S100A13: variants seen among roughly 807,000 people sequenced by gnomAD.
S100A13 encodes the protein S100 calcium binding protein A13.
In S100A13, 6 loss-of-function variants were observed where a neutral mutation model predicts 8.2. The observed-to-expected ratio is 0.73, with a 90% CI of 0.40 to 1.44. S100A13 has a LOEUF of 1.44. Among genes scored for constraint, S100A13 ranks in the 40% most tolerant of loss-of-function variants. The pLI is 0.02. For synonymous variants in S100A13, 39 were observed against 45.9 expected, an observed-to-expected ratio of 0.85 and a Z score of 0.61; for missense variants, 114 against 113.6, an observed-to-expected ratio of 1.00 and a Z score of -0.02.
intron 2 of S100A13, among the ~76,000 whole-genome samples, chr1:153,625,314 G>A (rs1667543302): frequency 6.6e-6 from 1 of 152,208 alleles, no homozygotes; most frequent in Non-Finnish European, 1.5e-5. Context: ...TGTGTTCAAG[G>A]AGTCCATATT....
intron 2 of S100A13, among the ~76,000 whole-genome samples, chr1:153,620,679 A>G (rs1287756473): frequency 6.6e-6 from 1 of 152,212 alleles, no homozygotes; most frequent in Non-Finnish European, 1.5e-5. Flanking sequence ...TAGGCACTGC[A>G]TTATGTATTA....
At chr1:153,622,808 CAG>C (rs1667355405) in intron 2 of S100A13, among the ~76,000 whole-genome samples, 1 of 152,202 alleles carries the variant, frequency 6.6e-6, no homozygotes, top group South Asian at 2.1e-4. Context: ...CAGAAAAGCA[CAG>C]AACATACACA....
At chr1:153,624,318 G>A (rs902176019) in intron 2 of S100A13, among the ~76,000 whole-genome samples, 4 of 152,198 alleles carry the variant, frequency 2.6e-5, no homozygotes, top group Admixed American at 6.5e-5. Flanking sequence ...TGAATTGTCT[G>A]TGCGGATGCT....
chr1:153,624,813 G>A (rs111877598), intron 2 of S100A13, among the ~76,000 whole-genome samples: 1 of 152,222 alleles, frequency 6.6e-6, no homozygotes, highest in East Asian at 1.9e-4. Context: ...GGTGGCTCAC[G>A]CCTGTAATTC....
chr1:153,624,235 G>A (rs773243925), intron 2 of S100A13, among the ~76,000 whole-genome samples: 1 of 152,194 alleles, frequency 6.6e-6, no homozygotes, highest in Non-Finnish European at 1.5e-5. Context: ...AGAGGAGTGG[G>A]ATGCTGAGAT....
At chr1:153,619,664 G>C (rs1432482069) in intron 2 of S100A13, among the ~76,000 whole-genome samples, 1 of 152,172 alleles carries the variant, frequency 6.6e-6, no homozygotes, top group African/African-American at 2.4e-5. Flanking sequence ...TGGATGTCCT[G>C]ATCGAAGGAC....
chr1:153,631,252 A>C, upstream of S100A13: 3 of 563,150 alleles, frequency 5.3e-6, no homozygotes, highest in Non-Finnish European at 6.3e-6. Flanking sequence ...TACGGTAGAA[A>C]GTGCACCGGT....
upstream of S100A13, among the ~76,000 whole-genome samples, chr1:153,632,805 G>A (rs1474387017): frequency 2.0e-5 from 3 of 152,128 alleles, no homozygotes; most frequent in African/African-American, 7.2e-5. Context: ...GCAGAGGAAG[G>A]GTTGCAGATG....
chr1:153,628,358 T>C, upstream of S100A13: 2 of 1,540,590 alleles, frequency 1.3e-6, no homozygotes, highest in East Asian at 2.4e-5. Flanking sequence ...GGTGTTCGTC[T>C]GTGAAGGGGT....
chr1:153,626,632 AGCCTGGAGGGG>A, intron 1 of S100A13, 99 bp from the exon 2 acceptor site: 2 of 644,070 alleles, frequency 3.1e-6, no homozygotes, highest in Non-Finnish European at 5.3e-6. Flanking sequence ...CATCAGTCTC[AGCCTGGAGGGG>A]GCATATGGGG....
At position 153,626,386 on chromosome 1, in the gene S100A13, C is replaced by T. The variant is rs11388; in HGVS notation, c.87G>A (p.Arg29=). The change falls in exon 2 of 3, where the codon CGG becomes CGA. Residue 29 remains arginine (R), a synonymous_variant. Coordinates refer to ENST00000476133, the MANE Select transcript of S100A13 (RefSeq NM_001024211.2). ...ACTCGTTGACGCTGAGGCTATCCTT[C>T]CGGCCCTCCTGCCTTGCAAAGGTGA... ...TFFTFARQEG[R]KDSLSVNEFK... 6 of 1,614,210 alleles carry T rather than the reference C, an allele frequency of 3.7e-6. No individual in the cohort carries two copies. In the East Asian group the frequency reaches 1.3e-4, roughly 36 times the overall value.
At chr1:153,630,338 T>C (rs1027809273), upstream of S100A13, 13 of 804,526 alleles carry the variant, frequency 1.6e-5, no homozygotes, top group African/African-American at 5.2e-5. Flanking sequence ...CTTAGGTCTC[T>C]TGGGGTTTCC....
chr1:153,634,343 G>A (rs1668223660), upstream of S100A13: 1 of 153,024 alleles, frequency 6.5e-6, no homozygotes, highest in South Asian at 2.1e-4. Flanking sequence ...TGTTTCCTTC[G>A]GTGAGTTTCG....
upstream of S100A13, chr1:153,630,520 C>CAA (rs1475312401): frequency 6.2e-7 from 1 of 1,613,950 alleles, no homozygotes; most frequent in Non-Finnish European, 8.5e-7. Context: ...TGCACTGCTG[C>CAA]AATGGGCTCT....
chr1:153,628,499 G>A, upstream of S100A13: 1 of 1,550,718 alleles, frequency 6.4e-7, no homozygotes, highest in Non-Finnish European at 8.7e-7. Context: ...GGCCAACCGT[G>A]AGTACCCTGC....
At chr1:153,626,066 G>T (rs1425702375) in intron 2 of S100A13, among the ~76,000 whole-genome samples, 1 of 152,196 alleles carries the variant, frequency 6.6e-6, no homozygotes, top group Non-Finnish European at 1.5e-5. Flanking sequence ...TACTCAGGAG[G>T]CTGAGGCAGG....
At chr1:153,626,168 G>C in intron 2 of S100A13, 152 bp downstream of exon 2, 1 of 746,218 alleles carries the variant, frequency 1.3e-6, no homozygotes, top group Non-Finnish European at 2.2e-6. Context: ...ACTTTGTCTC[G>C]AAAAAACAAA....
chr1:153,633,571 T>C (rs375672808), upstream of S100A13, among the ~76,000 whole-genome samples: 16 of 151,960 alleles, frequency 1.1e-4, no homozygotes, highest in Admixed American at 1.0e-3. Context: ...CGGTGCAGGA[T>C]GGGAGAGGAA....
intron 2 of S100A13, among the ~76,000 whole-genome samples, chr1:153,620,730 G>A (rs1667188342): frequency 6.6e-6 from 1 of 152,124 alleles, no homozygotes; most frequent in African/African-American, 2.4e-5. Context: ...GTATACAGGA[G>A]GATGTGCATA....
Sources: gnomAD v4.1 joint callset for allele counts (sites outside exome capture counted in the v4.1 genomes callset) on GRCh38, gnomAD v4.1.1 for gene constraint, MANE v1.5 for transcripts, NCBI Gene and HGNC (gene_info 2026-07-23, HGNC 2026-07-21) for gene names.